RGS14: variants seen among roughly 807,000 people sequenced by gnomAD.
RGS14 encodes the protein regulator of G-protein signaling 14.
RGS14 carries 33 observed loss-of-function variants against 63.8 expected under a neutral mutation model. The ratio of observed to expected loss-of-function variants is 0.52; its 90% CI spans 0.39 to 0.69. The LOEUF is 0.69. RGS14 is among the 30% of genes least tolerant of loss of function. RGS14 has a pLI of 0.00. For synonymous variants in RGS14, 296 were observed against 320.9 expected, an observed-to-expected ratio of 0.92 and a Z score of 0.83; for missense variants, 739 against 742.9, an observed-to-expected ratio of 0.99 and a Z score of 0.06.
In RGS14 at chr5:177,371,106, G is replaced by C; in HGVS notation, c.1255-59G>C. The C allele has an allele frequency of 1.6e-6, 2 of 1,227,296 alleles. No homozygotes were observed. Among genetic ancestry groups the C allele is most frequent in the Non-Finnish European group, 2.1e-6 (2 of 952,876 alleles). 76.0% of individuals were successfully genotyped at this position (1,227,296 alleles called of 1,614,324 possible). A position where few individuals can be genotyped will look rare whatever the true frequency, so the allele number is the denominator to read the frequency against. On this transcript the variant is annotated intron_variant, in intron 11 of 14. Coordinates refer to ENST00000408923, the MANE Select transcript of RGS14 (RefSeq NM_006480.5). The surrounding 1 kb of genome is among the most constrained non-coding windows in gnomAD (Gnocchi z 6.1). ...GGGGCCGGGGCCGGGGCCGGGGCCG[G>C]GGCCGGGGCCGGGGCCGGGCGGAGG...
At position 177,371,300 on chromosome 5, in the gene RGS14, A is replaced by AG. The variant is rs775746624; in HGVS notation, c.1337-45dup. On this transcript the variant is annotated intron_variant, in intron 12 of 14. Transcript: ENST00000408923. This position sits in a 1 kb window ranked among gnomAD's most constrained non-coding sequence, Gnocchi z 6.1. Reference sequence around the variant, plus strand: ...CTGGAACAGCTGTGGCCCAGGAGGAAGGGGGTCCAGGTGGGAGGCAAACAC... The same window carrying AG: ...CTGGAACAGCTGTGGCCCAGGAGGAAGGGGGGTCCAGGTGGGAGGCAAACAC... The AG allele has an allele frequency of 1.9e-6, 3 of 1,613,698 alleles. No homozygotes were observed. Among genetic ancestry groups the AG allele is most frequent in the Admixed American group, 1.7e-5 (1 of 59,996 alleles).
At chr5:177,367,237 T>C in intron 5 of RGS14, 177 bp from the exon 6 acceptor site, 1 of 1,095,954 alleles carries the variant, frequency 9.1e-7, no homozygotes, top group African/African-American at 1.6e-5. Context: ...GGAGCCTAGC[T>C]GAGCTCGGGG....
At position 177,371,902 on chromosome 5, in the gene RGS14, A is replaced by G. The variant is rs770676073; in HGVS notation, c.1528A>G (p.Ser510Gly). ...GGTGGAGCTGCTGAACCGGGTGCAG[A>G]GCAGCGGGGCCCACGACCAGAGGGG... ...GLVELLNRVQ[S>G]SGAHDQRGLL... Residue 510 changes from serine to glycine, a missense_variant, in exon 15 of 15, where the codon AGC becomes GGC. Coordinates refer to ENST00000408923, the MANE Select transcript of RGS14 (RefSeq NM_006480.5). The surrounding 1 kb of genome is among the most constrained non-coding windows in gnomAD (Gnocchi z 6.1). 1.2e-6 allele frequency: 2 copies of G among 1,613,830 alleles called. No individual in the cohort carries two copies. Among genetic ancestry groups the G allele is most frequent in the Non-Finnish European group, 8.5e-7 (1 of 1,179,948 alleles).
At chr5:177,361,470 C>G (rs1345910175) in intron 1 of RGS14, among the ~76,000 whole-genome samples, 1 of 152,152 alleles carries the variant, frequency 6.6e-6, no homozygotes, top group Admixed American at 6.5e-5. Flanking sequence ...GGCCCTGGGC[C>G]TCCAAGCTTC....
At position 177,360,048 on chromosome 5, in the gene RGS14, T is replaced by C. The variant is rs79557131; in HGVS notation, c.45+1979T>C. The stretch of plus-strand genomic sequence containing the variant: ...AGCCTTGCCTCTCTGCCATTCAGCT[T>C]GTCAGGCAGTTGCAAGGAAACCTGT... On this transcript the variant is annotated intron_variant, in intron 1 of 14. Transcript: ENST00000408923. 6.6e-3 allele frequency among the ~76,000 whole-genome samples: 998 copies of C among 152,310 alleles called. 11 individuals are homozygous for C. Among genetic ancestry groups the C allele is most frequent in the African/African-American group, 0.022 (926 of 41,570 alleles).
intron 10 of RGS14, 42 bp from the exon 11 acceptor site, chr5:177,370,863 G>T: frequency 6.4e-7 from 1 of 1,555,670 alleles, no homozygotes; most frequent in Admixed American, 1.8e-5. Context: ...TTTGGCGGGG[G>T]GCCGGCCCTC....
rs147180797 is a variant in RGS14, at chr5:177,370,233, C to G, written c.1054-358C>G. Among the ~76,000 whole-genome samples the G allele has an allele frequency of 2.6e-5, 4 of 152,314 alleles. No individual in the cohort carries two copies. In the East Asian group the frequency reaches 7.7e-4, roughly 29 times the overall value. ...TCGGATTTCACACACCTGAGGGACA[C>G]GAGACAGCTGTCCTGGAGGCAGAGC... On this transcript the variant is annotated intron_variant, in intron 9 of 14. Transcript: ENST00000408923.
At position 177,370,925 on chromosome 5, in the gene RGS14, A is replaced by G; in HGVS notation, c.1148A>G (p.Glu383Gly). The G allele has an allele frequency of 6.2e-7, 1 of 1,606,406 alleles. No individual in the cohort carries two copies. The highest frequency in any genetic ancestry group is 1.1e-5 in the South Asian group (1 of 90,988). Residue 383 changes from glutamate to glycine, a missense_variant, in exon 11 of 15, where the codon GAG becomes GGG. Glu to Gly is a moderately conservative substitution (Grantham distance 98). Coordinates refer to ENST00000408923, the MANE Select transcript of RGS14 (RefSeq NM_006480.5). ...CGCAGGCTGGAGCTGACGGCGCTGGAGCGCGTGGTACGAATCTCAGCCAAG... is the reference window on the plus strand; with the variant it reads ...CGCAGGCTGGAGCTGACGGCGCTGGGGCGCGTGGTACGAATCTCAGCCAAG... ...ITFELELTALERVVRISAKPT... is the reference protein window; with the variant it reads ...ITFELELTALGRVVRISAKPT...
At chr5:177,360,748 C>T (rs1347256960) in intron 1 of RGS14, among the ~76,000 whole-genome samples, 1 of 151,874 alleles carries the variant, frequency 6.6e-6, no homozygotes, top group East Asian at 1.9e-4. Context: ...CCCTTCTCTA[C>T]TAAAGATACA....
Position 177,368,189 on chromosome 5 carries a change from C to G in RGS14, c.772C>G (p.Arg258Gly), listed in dbSNP as rs1293731555. 2 of 1,613,876 alleles carry G rather than the reference C, an allele frequency of 1.2e-6. No individual in the cohort carries two copies. The highest frequency in any genetic ancestry group is 1.1e-5 in the South Asian group (1 of 91,080). ...CGGGACTGCAAACGCCGCCTTGCGC[C>G]GAGAGTCTCAGGGCTCCCTCAACTC... is the stretch of plus-strand genomic sequence containing the variant. ...LGGTANAALR[R>G]ESQGSLNSSA... The change falls in exon 8 of 15, where the codon CGA becomes GGA. Residue 258 changes from arginine (R) to glycine (G), a missense_variant. Arg to Gly is a moderately radical substitution (Grantham distance 125). Transcript: ENST00000408923.
In RGS14 at chr5:177,367,796, G is replaced by A. The variant is rs780671797; in HGVS notation, c.710G>A (p.Gly237Asp). 9 of 1,606,070 alleles carry A rather than the reference G, an allele frequency of 5.6e-6. No homozygotes were observed. Among genetic ancestry groups the A allele is most frequent in the African/African-American group, 1.3e-5 (1 of 74,642 alleles). The change falls in exon 7 of 15, where the codon GGC becomes GAC. Residue 237 changes from glycine to aspartate, a missense_variant. By Grantham distance (94) the Gly-to-Asp change is moderately conservative. Coordinates refer to ENST00000408923, the MANE Select transcript of RGS14 (RefSeq NM_006480.5). Reference protein sequence around the residue: ...GQLPPVEGPGGRPLRKSFRRE... With the variant: ...GQLPPVEGPGDRPLRKSFRRE... ...CTGCCACCCGTTGAGGGTCCTGGGGGCCGCCCTCTCCGCAAGTCCTTCCGC... is the reference window on the plus strand; with the variant it reads ...CTGCCACCCGTTGAGGGTCCTGGGGACCGCCCTCTCCGCAAGTCCTTCCGC...
chr5:177,368,382 T>C, intron 8 of RGS14, 116 bp downstream of exon 8: 2 of 1,123,586 alleles, frequency 1.8e-6, no homozygotes, highest in Non-Finnish European at 2.5e-6. Flanking sequence ...CCCAGCTTGC[T>C]CTGCGTAGCC....
rs1344360158 is a variant in RGS14 at position 177,367,562 on chromosome 5, G to A, written c.627+5G>A. 2 of 1,605,506 alleles carry A rather than the reference G, an allele frequency of 1.2e-6. No homozygotes were observed. Among genetic ancestry groups the A allele is most frequent in the Admixed American group, 1.7e-5 (1 of 59,136 alleles). On this transcript the variant is annotated splice_donor_5th_base_variant and intron_variant, in intron 6 of 14. Coordinates refer to ENST00000408923, the MANE Select transcript of RGS14 (RefSeq NM_006480.5). ...AGCCCTGACGCCACGAGGAAGGTGCGTGGGACTGGGCGAGGGACTGGGCGA... is the reference window on the plus strand; with the variant it reads ...AGCCCTGACGCCACGAGGAAGGTGCATGGGACTGGGCGAGGGACTGGGCGA...
rs755733767 is a variant in RGS14 at position 177,371,067 on chromosome 5, GC to G, written c.1254+38del. On this transcript the variant is annotated intron_variant, in intron 11 of 14. Transcript: ENST00000408923. This position sits in a 1 kb window ranked among gnomAD's most constrained non-coding sequence, Gnocchi z 6.1. ...GGGCCGCGGGGCGGGGCGGGGCGGG[GC>G]CGGGCCGGGGCCGGGGCCGGGGCCG... 4.1e-3 allele frequency: 2,662 copies of G among 656,808 alleles called. 206 individuals are homozygous for G. The African/African-American group carries it at 0.082, about 20-fold the overall frequency. The allele number at this position is 656,808 out of a possible 1,614,324, so 40.7% of individuals were successfully genotyped here. A position where few individuals can be genotyped will look rare whatever the true frequency, so the allele number is the denominator to read the frequency against.
In RGS14 at chr5:177,371,046, CGCGGG is replaced by C. The variant is rs748050483; in HGVS notation, c.1254+33_1254+37del. ...TGCTGCACCGGGTGAGCTTCCGGGCCGCGGGGCGGGGCGGGGCGGGGCCGGGCCGG... is the reference window on the plus strand; with the variant it reads ...TGCTGCACCGGGTGAGCTTCCGGGCCGCGGGGCGGGGCGGGGCCGGGCCGG... On this transcript the variant is annotated intron_variant, in intron 11 of 14. Transcript: ENST00000408923. This position sits in a 1 kb window ranked among gnomAD's most constrained non-coding sequence, Gnocchi z 6.1. 6.7e-4 allele frequency: 913 copies of C among 1,357,294 alleles called. 88 individuals carry two copies. In the African/African-American group the frequency reaches 0.016, roughly 24 times the overall value. The allele number at this position is 1,357,294 out of a possible 1,614,324, so 84.1% of individuals were successfully genotyped here.
intron 8 of RGS14, 123 bp from the exon 9 acceptor site, chr5:177,368,594 C>T (rs1762164974): frequency 1.0e-6 from 1 of 976,944 alleles, no homozygotes; most frequent in Non-Finnish European, 1.6e-6. Context: ...GAGGACGTAT[C>T]TTTGCCTGCC....
chr5:177,367,840 G>C lies in RGS14; in HGVS notation c.739+15G>C. 1 of 1,555,700 alleles carries C rather than the reference G, an allele frequency of 6.4e-7. No individual in the cohort carries two copies. Among genetic ancestry groups the C allele is most frequent in the Non-Finnish European group, 8.7e-7 (1 of 1,152,268 alleles). On this transcript the variant is annotated intron_variant, in intron 7 of 14. Transcript: ENST00000408923. ...CTTCCGCCGGGGTGAGGGCAGGAGCGAGCAACAGAGATGTGGGGAAGGCGG... is the reference window on the plus strand; with the variant it reads ...CTTCCGCCGGGGTGAGGGCAGGAGCCAGCAACAGAGATGTGGGGAAGGCGG...
chr5:177,370,851 G>A, intron 10 of RGS14, 54 bp from the exon 11 acceptor site: 1 of 1,563,172 alleles, frequency 6.4e-7, no homozygotes, highest in Non-Finnish European at 8.6e-7. Context: ...TCCTGGGAAG[G>A]GTTTGGCGGG....
In RGS14 at chr5:177,372,444, T is replaced by G; in HGVS notation, c.*369T>G. On this transcript the variant is annotated 3_prime_UTR_variant, in exon 15 of 15. Transcript: ENST00000408923. ...AGGGGCCGGCCCCTCCTCAGGAAGC[T>G]GGTATGAGTAAGGCCTTGAGGGTGC... The G allele has an allele frequency of 4.1e-6, 1 of 242,562 alleles. No individual in the cohort carries two copies. The highest frequency in any genetic ancestry group is 8.0e-5 in the South Asian group (1 of 12,566). The allele number at this position is 242,562 out of a possible 1,614,324, so 15.0% of individuals were successfully genotyped here.
Sources: allele counts gnomAD v4.1 joint callset (sites outside exome capture counted in the v4.1 genomes callset), GRCh38; gene constraint gnomAD v4.1.1; non-coding constraint Gnocchi (gnomAD v3.1); transcripts MANE v1.5; gene names NCBI Gene and HGNC (gene_info 2026-07-23, HGNC 2026-07-21).